The following C12orf42 variants were observed in gnomAD, a reference collection of about 807,000 sequenced individuals.
The protein encoded by C12orf42 is chromosome 12 open reading frame 42.
Under a neutral mutation model 21.6 loss-of-function variants are expected in C12orf42, and 25 were observed. The observed-to-expected ratio is 1.16, with a 90% CI of 0.84 to 1.62. The LOEUF (loss-of-function observed/expected upper bound fraction) is 1.62. Among genes scored for constraint, C12orf42 ranks in the 40% most tolerant of loss-of-function variants. The pLI is 0.00. For missense variants in C12orf42, 483 were observed against 459.3 expected, an observed-to-expected ratio of 1.05 and a Z score of -0.47; for synonymous variants, 174 against 175.0, an observed-to-expected ratio of 0.99 and a Z score of 0.05.
chr12:103,097,607 C>T, the C12orf42 span, among the ~76,000 whole-genome samples: 1 of 152,262 alleles, frequency 6.6e-6, no homozygotes, highest in South Asian at 2.1e-4. Flanking sequence ...CCCTGGCCAA[C>T]ATAATTTTCT....
chr12:103,197,149 G>T, the C12orf42 span, among the ~76,000 whole-genome samples: 1 of 152,102 alleles, frequency 6.6e-6, no homozygotes, highest in Non-Finnish European at 1.5e-5. Flanking sequence ...GTCTGAAAAA[G>T]ATTTTATTTC....
intron 4 of C12orf42, among the ~76,000 whole-genome samples, chr12:103,294,568 A>AAAGGAAGGAAGGAAGG (rs763931253): frequency 2.2e-4 from 26 of 119,630 alleles, no homozygotes; most frequent in South Asian, 6.5e-4. Context: ...AAAGAAAAAG[A>AAAGGAAGGAAGGAAGG]AAGGAAGGAA....
downstream of C12orf42, among the ~76,000 whole-genome samples, chr12:103,264,741 AT>A (rs1204076582): frequency 6.6e-6 from 1 of 152,200 alleles, no homozygotes; most frequent in Non-Finnish European, 1.5e-5. Context: ...GTGCTAAAAA[AT>A]AATTATGTTT....
At chr12:103,420,664 G>C (rs896062184) in intron 2 of C12orf42, among the ~76,000 whole-genome samples, 1 of 152,048 alleles carries the variant, frequency 6.6e-6, no homozygotes, top group Non-Finnish European at 1.5e-5. Context: ...CAAGTAGCTT[G>C]AATTACAGGC....
At chr12:103,347,385 C>A (rs916373473) in intron 4 of C12orf42, among the ~76,000 whole-genome samples, 1 of 152,134 alleles carries the variant, frequency 6.6e-6, no homozygotes, top group Non-Finnish European at 1.5e-5. Context: ...GACATGAACT[C>A]ATCCTTTTTT....
At chr12:103,196,835 G>T in the C12orf42 span, among the ~76,000 whole-genome samples, 10 of 152,006 alleles carry the variant, frequency 6.6e-5, no homozygotes, top group Admixed American at 6.6e-4. Flanking sequence ...GTCTCATGAA[G>T]ATAATATACA....
chr12:103,493,540 T>G (rs1955316333), intron 1 of C12orf42, among the ~76,000 whole-genome samples: 1 of 151,948 alleles, frequency 6.6e-6, no homozygotes, highest in Admixed American at 6.6e-5. Flanking sequence ...TTGCTTTAGG[T>G]CCCAGCTGAA....
At chr12:103,164,505 C>A in the C12orf42 span, 1 of 449,490 alleles carries the variant, frequency 2.2e-6, no homozygotes, top group African/African-American at 2.0e-5. Context: ...TCTTTATTTG[C>A]CAGGAAAGAA....
chr12:103,207,897 G>A, the C12orf42 span, among the ~76,000 whole-genome samples: 1 of 152,322 alleles, frequency 6.6e-6, no homozygotes, highest in East Asian at 1.9e-4. Context: ...ACAAGAGAAA[G>A]GCTCATGGGC....
At chr12:103,168,722 G>A in the C12orf42 span, among the ~76,000 whole-genome samples, 1 of 152,056 alleles carries the variant, frequency 6.6e-6, no homozygotes, top group Non-Finnish European at 1.5e-5. Context: ...TATGTTTATT[G>A]CAGCACTATT....
the C12orf42 span, among the ~76,000 whole-genome samples, chr12:103,527,298 T>C: frequency 0.013 from 2,042 of 152,164 alleles, 49 homozygotes; most frequent in African/African-American, 0.046. Context: ...GAGGGAAAAA[T>C]GCTAAAGACT....
chr12:103,464,639 C>T (rs936975585), intron 2 of C12orf42, among the ~76,000 whole-genome samples: 3 of 152,080 alleles, frequency 2.0e-5, no homozygotes, highest in African/African-American at 7.2e-5. Context: ...AAATCTTTGC[C>T]AGTGCCTATG....
intron 4 of C12orf42, 47 bp downstream of exon 4, chr12:103,368,840 G>T: frequency 1.1e-5 from 11 of 1,021,912 alleles, no homozygotes; most frequent in Non-Finnish European, 1.6e-5. Context: ...ATAGTCCAGA[G>T]TTTCTTTGGA....
At chr12:103,421,086 G>A (rs1051172474) in intron 2 of C12orf42, among the ~76,000 whole-genome samples, 1 of 152,138 alleles carries the variant, frequency 6.6e-6, no homozygotes, top group Admixed American at 6.5e-5. Context: ...GGTTGGGAAT[G>A]TTGTCCTAGG....
chr12:103,193,406 A>G, the C12orf42 span, among the ~76,000 whole-genome samples: 2 of 151,782 alleles, frequency 1.3e-5, no homozygotes, highest in African/African-American at 2.4e-5. Flanking sequence ...GCAGAAATAA[A>G]TAAAGGATAA....
chr12:103,129,690 C>A, the C12orf42 span, among the ~76,000 whole-genome samples: 1 of 152,316 alleles, frequency 6.6e-6, no homozygotes, highest in East Asian at 1.9e-4. Flanking sequence ...TTTCTCTATT[C>A]ACACTTTCCC....
chr12:103,368,002 T>C (rs763831126), intron 4 of C12orf42: 1 of 1,157,802 alleles, frequency 8.6e-7, no homozygotes, highest in Non-Finnish European at 1.1e-6. Context: ...AATGAAAATG[T>C]AGCAGTTACC....
chr12:103,334,303 G>A (rs1277736987), intron 4 of C12orf42, among the ~76,000 whole-genome samples: 2 of 152,086 alleles, frequency 1.3e-5, no homozygotes, highest in African/African-American at 4.8e-5. Context: ...TTACAAACAG[G>A]AAGAGAACAA....
the C12orf42 span, among the ~76,000 whole-genome samples, chr12:103,545,232 T>C: frequency 2.0e-5 from 3 of 152,222 alleles, no homozygotes; most frequent in African/African-American, 7.2e-5. Context: ...AGGTTTGTTT[T>C]AAATTGGGAA....
Sources: gnomAD v4.1 joint callset for allele counts (sites outside exome capture counted in the v4.1 genomes callset) on GRCh38, gnomAD v4.1.1 for gene constraint, MANE v1.5 for transcripts, NCBI Gene and HGNC (gene_info 2026-07-23, HGNC 2026-07-21) for gene names.